FCRL5: variants seen among roughly 807,000 people sequenced by gnomAD.
FCRL5 encodes the protein Fc receptor-like protein 5.
A neutral mutation model predicts 92.1 loss-of-function variants in FCRL5; 79 were observed. That is an observed-to-expected ratio of 0.86 (90% CI 0.72 to 1.03). The LOEUF (loss-of-function observed/expected upper bound fraction) is 1.03, where lower values mean the gene tolerates loss of function less well. FCRL5 is among the 50% of genes least tolerant of loss of function. The pLI, the probability that FCRL5 is intolerant of heterozygous loss-of-function variation, is 0.00. For synonymous variants in FCRL5, 466 were observed against 469.3 expected, an observed-to-expected ratio of 0.99 and a Z score of 0.09; for missense variants, 1,160 against 1,181.1, an observed-to-expected ratio of 0.98 and a Z score of 0.26.
At chr1:157,546,563 G>A (rs1236826564) in intron 3 of FCRL5, among the ~76,000 whole-genome samples, 1 of 152,016 alleles carries the variant, frequency 6.6e-6, no homozygotes, top group Non-Finnish European at 1.5e-5. Context: ...TTCTGGTACC[G>A]GAGAGGCTTG....
intron 6 of FCRL5, among the ~76,000 whole-genome samples, chr1:157,541,483 G>C (rs1336427465): frequency 6.6e-6 from 1 of 152,152 alleles, no homozygotes; most frequent in Non-Finnish European, 1.5e-5. Context: ...TTTCTCCACT[G>C]TTCAGTCTGT....
Position 157,542,688 on chromosome 1 carries a change from G to C in FCRL5, c.1123+171C>G, listed in dbSNP as rs150542477. On this transcript the variant is annotated intron_variant, in intron 6 of 16. Transcript: ENST00000361835. ...AAGGGCACCTAGACTGCAATGCAAC[G>C]AGACTCAAGAGGCAGACAGCTGGTT... 1.7e-4 allele frequency: 135 copies of C among 794,744 alleles called. No individual in the cohort carries two copies. In the African/African-American group the frequency reaches 2.0e-3, roughly 12 times the overall value. The allele number at this position is 794,744 out of a possible 1,614,324, so 49.2% of individuals were successfully genotyped here.
chr1:157,548,738 C>T (rs1651670599), intron 2 of FCRL5, among the ~76,000 whole-genome samples: 3 of 152,142 alleles, frequency 2.0e-5, no homozygotes, highest in Non-Finnish European at 4.4e-5. Context: ...CAATGAGATA[C>T]CATATCACAC....
chr1:157,518,688 C>T lies in FCRL5; in HGVS notation c.2743+12G>A. The T allele has an allele frequency of 2.5e-6, 4 of 1,607,394 alleles. No homozygotes were observed. The highest frequency in any genetic ancestry group is 3.4e-6 in the Non-Finnish European group (4 of 1,177,080). Reference sequence around the variant, plus strand: ...TCCAGCTTCTGCCAAATGCAGGATCCTCGGGCCTCACCATTAGTGTACACT... The same window carrying T: ...TCCAGCTTCTGCCAAATGCAGGATCTTCGGGCCTCACCATTAGTGTACACT... On this transcript the variant is annotated intron_variant, in intron 14 of 16. Transcript: ENST00000361835.
chr1:157,543,007 A>G lies in FCRL5; in HGVS notation c.975T>C (p.Gly325=). The change falls in exon 6 of 17, where the codon GGT becomes GGC. Residue 325 remains glycine, a synonymous_variant. Coordinates refer to ENST00000361835, the MANE Select transcript of FCRL5 (RefSeq NM_031281.3). ...GGACTGACTTGTGCCTCAGGGGGAC[A>G]CCCTCATGATAAAACCTGTACAAAG... ...LRTLYRFYHE[G]VPLRHKSVRC... 6.2e-7 allele frequency: 1 copy of G among 1,614,220 alleles called. No individual in the cohort carries two copies. The highest frequency in any genetic ancestry group is 8.5e-7 in the Non-Finnish European group (1 of 1,180,048).
At chr1:157,548,183 ATTCACCCC>A (rs1442813940) in intron 2 of FCRL5, among the ~76,000 whole-genome samples, 1 of 152,210 alleles carries the variant, frequency 6.6e-6, no homozygotes, top group Non-Finnish European at 1.5e-5. Flanking sequence ...CTGCTTGGGC[ATTCACCCC>A]TTCCCCCAGG....
At chr1:157,536,687 A>G (rs114445408) in intron 7 of FCRL5, among the ~76,000 whole-genome samples, 2,398 of 152,306 alleles carry the variant, frequency 0.016, 49 homozygotes, top group African/African-American at 0.055. Flanking sequence ...AGTCATCAAG[A>G]ACTGACCACT....
chr1:157,539,799 A>T (rs571021718), intron 6 of FCRL5, among the ~76,000 whole-genome samples: 1 of 152,230 alleles, frequency 6.6e-6, no homozygotes. Flanking sequence ...GACAGAAGTG[A>T]CTATTCCTCT....
chr1:157,543,332 CA>C (rs1237538421), intron 5 of FCRL5, among the ~76,000 whole-genome samples, 195 bp from the exon 6 acceptor site: 1 of 152,188 alleles, frequency 6.6e-6, no homozygotes, highest in African/African-American at 2.4e-5. Flanking sequence ...CTGAAGTGCC[CA>C]ATTATTCTGA....
At position 157,544,386 on chromosome 1, in the gene FCRL5, A is replaced by C; in HGVS notation, c.720T>G (p.Ser240Arg). The change falls in exon 5 of 17, where the codon AGT becomes AGG. Residue 240 changes from serine (S) to arginine (R), a missense_variant. Coordinates refer to ENST00000361835, the MANE Select transcript of FCRL5 (RefSeq NM_031281.3). The stretch of plus-strand genomic sequence containing the variant: ...CAGTAATCTGGAAATTCGGGGAGAG[A>C]CTCCAGCCTAATCCCAGGGTCTGGT... ...RDDQTLGLGW[S>R]LSPNFQITAM... 1 of 1,613,920 alleles carries C rather than the reference A, an allele frequency of 6.2e-7. No individual in the cohort carries two copies.
intron 3 of FCRL5, among the ~76,000 whole-genome samples, chr1:157,545,311 A>G (rs1651481082): frequency 6.6e-6 from 1 of 152,116 alleles, no homozygotes. Flanking sequence ...ATGTTTTGGC[A>G]TATGTTTTTC....
chr1:157,524,525 C>G lies in FCRL5; in HGVS notation c.1993G>C (p.Ala665Pro). 1 of 1,612,258 alleles carries G rather than the reference C, an allele frequency of 6.2e-7. No homozygotes were observed. The highest frequency in any genetic ancestry group is 8.5e-7 in the Non-Finnish European group (1 of 1,178,792). ...PVSRPILTFR[A>P]PRAQAVVGDL... Reference sequence around the variant, plus strand: ...CCCACCACAGCCTGGGCCCTGGGAGCCCTGAAGGTGAGGATGGGACGAGAT... The same window carrying G: ...CCCACCACAGCCTGGGCCCTGGGAGGCCTGAAGGTGAGGATGGGACGAGAT... The change falls in exon 10 of 17, where the codon GCT becomes CCT. Residue 665 changes from alanine (A) to proline (P), a missense_variant. Ala to Pro is a conservative substitution (Grantham distance 27). Coordinates refer to ENST00000361835, the MANE Select transcript of FCRL5 (RefSeq NM_031281.3).
intron 8 of FCRL5, chr1:157,533,626 G>C (rs1412202318): frequency 5.3e-5 from 8 of 152,234 alleles, no homozygotes; most frequent in African/African-American, 1.9e-4. Flanking sequence ...CAAGATGGAT[G>C]CAGTTCTGTT....
At chr1:157,540,352 C>T (rs1651199789) in intron 6 of FCRL5, among the ~76,000 whole-genome samples, 1 of 152,224 alleles carries the variant, frequency 6.6e-6, no homozygotes, top group Admixed American at 6.5e-5. Flanking sequence ...TGCATCAGCT[C>T]CTCACTCTGA....
At position 157,542,893 on chromosome 1, in the gene FCRL5, G is replaced by A. The variant is rs750121964; in HGVS notation, c.1089C>T (p.Ala363=). 2.5e-6 allele frequency: 4 copies of A among 1,613,672 alleles called. No homozygotes were observed. Among genetic ancestry groups the A allele is most frequent in the South Asian group, 1.1e-5 (1 of 91,058 alleles). Residue 363 remains alanine, a synonymous_variant, in exon 6 of 17, where the codon GCC becomes GCT. Coordinates refer to ENST00000361835, the MANE Select transcript of FCRL5 (RefSeq NM_031281.3). The part of the protein sequence containing the change: ...YYCTADNGLG[A]KPSKAVSLSV... ...AGAGGCTCACAGCCTTACTGGGCTT[G>A]GCGCCAAGGCCATTGTCAGCTGTGC...
intron 10 of FCRL5, chr1:157,522,088 A>C: frequency 6.6e-6 from 1 of 152,366 alleles, no homozygotes. Context: ...GTGTAATATT[A>C]TTCTAGCTTT....
chr1:157,533,133 T>C (rs140318982), intron 8 of FCRL5: 1 of 152,296 alleles, frequency 6.6e-6, no homozygotes, highest in East Asian at 1.9e-4. Context: ...ATATATATTT[T>C]TAACCTCAAA....
intron 8 of FCRL5, chr1:157,532,691 A>C (rs2101619539): frequency 6.6e-6 from 1 of 152,266 alleles, no homozygotes; most frequent in Non-Finnish European, 1.5e-5. Context: ...AGGTTGTGTC[A>C]AAAAATACTG....
At chr1:157,542,737 G>T in intron 6 of FCRL5, 122 bp downstream of exon 6, 1 of 1,184,814 alleles carries the variant, frequency 8.4e-7, no homozygotes, top group Non-Finnish European at 1.2e-6. Context: ...AGTGGAGGAG[G>T]ACATTAGGTT....
Sources: gnomAD v4.1 joint callset for allele counts (sites outside exome capture counted in the v4.1 genomes callset) on GRCh38, gnomAD v4.1.1 for gene constraint, MANE v1.5 for transcripts, NCBI Gene and HGNC (gene_info 2026-07-23, HGNC 2026-07-21) for gene names.